SNRPD3: variants seen among roughly 807,000 people sequenced by gnomAD.
SNRPD3 encodes small nuclear ribonucleoprotein D3 polypeptide.
For missense variants in SNRPD3, 73 were observed against 167.5 expected (o/e 0.44, Z 3.11); for synonymous variants, 66 against 58.4 (o/e 1.13, Z -0.59).
upstream of SNRPD3, chr22:24,555,820 A>G: frequency 6.5e-7 from 1 of 1,546,408 alleles, no homozygotes; most frequent in South Asian, 1.2e-5. Flanking sequence ...CCCCGGGCCC[A>G]GTCATCAGCC....
chr22:24,563,514 A>C (rs554508212), intron 2 of SNRPD3, among the ~76,000 whole-genome samples: 6 of 152,226 alleles, frequency 3.9e-5, no homozygotes, highest in African/African-American at 1.4e-4. Flanking sequence ...AGGATATGGC[A>C]TGTTGGTCAA....
chr22:24,570,411 G>A (rs908961548), intron 3 of SNRPD3, among the ~76,000 whole-genome samples: 3 of 152,340 alleles, frequency 2.0e-5, no homozygotes, highest in Middle Eastern at 3.4e-3. Flanking sequence ...GGGGCCGGGC[G>A]CAGTGGCCCA....
chr22:24,563,928 T>C (rs2045171603), intron 2 of SNRPD3, among the ~76,000 whole-genome samples: 2 of 152,088 alleles, frequency 1.3e-5, no homozygotes, highest in South Asian at 4.1e-4. Context: ...GCTAGGAAAG[T>C]TTTTGAAATC....
intron 2 of SNRPD3, among the ~76,000 whole-genome samples, chr22:24,560,231 C>G (rs1356857388): frequency 6.7e-6 from 1 of 149,134 alleles, no homozygotes; most frequent in Admixed American, 6.7e-5. Flanking sequence ...ATTCTCCTGC[C>G]TCAGCCTCCT....
intron 3 of SNRPD3, among the ~76,000 whole-genome samples, chr22:24,569,515 A>G (rs1451877934): frequency 6.6e-6 from 1 of 152,160 alleles, no homozygotes; most frequent in Non-Finnish European, 1.5e-5. Context: ...ATCAACAAAG[A>G]CTTCTGTGAC....
Position 24,571,778 on chromosome 22 carries a change from A to G in SNRPD3, c.320-138A>G. 6.7e-6 allele frequency: 5 copies of G among 741,464 alleles called. No individual in the cohort carries two copies. The South Asian group carries it at 8.4e-5, about 13-fold the overall frequency. The allele number at this position is 741,464 out of a possible 1,614,324, so 45.9% of individuals were successfully genotyped here. A position where few individuals can be genotyped will look rare whatever the true frequency, so the allele number is the denominator to read the frequency against. On this transcript the variant is annotated intron_variant, in intron 3 of 3. Transcript: ENST00000215829. ...AAAAAAAAAAAGGCGGGAGGTGGAA[A>G]TGCAATGGCCAGGGTGGTGTTGGAC...
At chr22:24,570,447 G>A (rs527634656) in intron 3 of SNRPD3, among the ~76,000 whole-genome samples, 75 of 152,306 alleles carry the variant, frequency 4.9e-4, no homozygotes, top group African/African-American at 1.7e-3. Flanking sequence ...CACTTTGGGA[G>A]GCCGAGGTGG....
chr22:24,560,219 C>T (rs1173872669), intron 2 of SNRPD3, among the ~76,000 whole-genome samples: 4 of 143,406 alleles, frequency 2.8e-5, no homozygotes, highest in Admixed American at 2.1e-4. Flanking sequence ...CAGGTTCAAG[C>T]GATTCTCCTG....
chr22:24,559,693 T>C (rs994065578), intron 2 of SNRPD3, among the ~76,000 whole-genome samples: 1 of 152,186 alleles, frequency 6.6e-6, no homozygotes, highest in African/African-American at 2.4e-5. Flanking sequence ...CTCCTCTAAA[T>C]CAGGGATAAA....
Position 24,573,013 on chromosome 22 carries a change from C to T in SNRPD3, c.*1036C>T, listed in dbSNP as rs1032384148. On this transcript the variant is annotated 3_prime_UTR_variant, in exon 4 of 4. Coordinates refer to ENST00000215829, the MANE Select transcript of SNRPD3 (RefSeq NM_004175.5). ...TTGAGAGGAGTTCAAAACCAGCCCGCGAGACATAGTGAGACCCTGTCTCTA... is the reference window on the plus strand; with the variant it reads ...TTGAGAGGAGTTCAAAACCAGCCCGTGAGACATAGTGAGACCCTGTCTCTA... Among the ~76,000 whole-genome samples the T allele has an allele frequency of 6.6e-6, 1 of 151,946 alleles. No individual in the cohort carries two copies. The highest frequency in any genetic ancestry group is 1.5e-5 in the Non-Finnish European group (1 of 67,986).
chr22:24,574,113 T>G lies in SNRPD3; in HGVS notation c.*2136T>G, dbSNP rs2045270168. ...TAATCATTACTGAATTCATCATACT[T>G]TTACAGTAAACAGTACTTACTTTGA... is the stretch of plus-strand genomic sequence containing the variant. On this transcript the variant is annotated 3_prime_UTR_variant, in exon 4 of 4. Coordinates refer to ENST00000215829, the MANE Select transcript of SNRPD3 (RefSeq NM_004175.5). Among the ~76,000 whole-genome samples the G allele has an allele frequency of 6.6e-6, 1 of 152,140 alleles. No individual in the cohort carries two copies. The highest frequency in any genetic ancestry group is 1.5e-5 in the Non-Finnish European group (1 of 68,026).
chr22:24,562,031 C>T (rs945078666), intron 2 of SNRPD3, among the ~76,000 whole-genome samples: 5 of 151,588 alleles, frequency 3.3e-5, no homozygotes, highest in Admixed American at 2.6e-4. Context: ...CACAACGATT[C>T]GGAAAAGATA....
chr22:24,570,310 A>G (rs758067883), intron 3 of SNRPD3, among the ~76,000 whole-genome samples: 3 of 152,246 alleles, frequency 2.0e-5, no homozygotes, highest in Non-Finnish European at 4.4e-5. Context: ...AAGTGCCCCA[A>G]TGTTATAACA....
chr22:24,559,414 A>G (rs996763956), intron 2 of SNRPD3, among the ~76,000 whole-genome samples: 2 of 152,220 alleles, frequency 1.3e-5, no homozygotes, highest in Non-Finnish European at 2.9e-5. Flanking sequence ...GGTGAGGAGA[A>G]TGCAAGACTT....
At chr22:24,555,978 A>C, upstream of SNRPD3, 1 of 767,476 alleles carries the variant, frequency 1.3e-6, no homozygotes, top group South Asian at 1.8e-5. Flanking sequence ...AAAGAGTGGA[A>C]TTCTGGGTGT....
In SNRPD3 at chr22:24,572,983, ATTGT is replaced by A. The variant is rs2045262649; in HGVS notation, c.*1010_*1013del. 6.6e-6 allele frequency among the ~76,000 whole-genome samples: 1 copy of A among 152,102 alleles called. No individual in the cohort carries two copies. The highest frequency in any genetic ancestry group is 1.5e-5 in the Non-Finnish European group (1 of 68,016). On this transcript the variant is annotated 3_prime_UTR_variant, in exon 4 of 4. Transcript: ENST00000215829. Reference sequence around the variant, plus strand: ...GCACTCTGGGAGGCTGAGGTAGAGGATTGTTTGAGAGGAGTTCAAAACCAGCCCG... The same window carrying A: ...GCACTCTGGGAGGCTGAGGTAGAGGATTGAGAGGAGTTCAAAACCAGCCCG...
At chr22:24,571,481 G>T (rs932472875) in intron 3 of SNRPD3, among the ~76,000 whole-genome samples, 1 of 152,154 alleles carries the variant, frequency 6.6e-6, no homozygotes, top group African/African-American at 2.4e-5. Context: ...GCTTATGCTT[G>T]TAATCCTGAC....
At chr22:24,567,109 A>T (rs1490184849) in intron 2 of SNRPD3, among the ~76,000 whole-genome samples, 5 of 151,906 alleles carry the variant, frequency 3.3e-5, no homozygotes, top group Non-Finnish European at 7.4e-5. Context: ...TTGTGGTACC[A>T]CCTCCATTTC....
intron 2 of SNRPD3, among the ~76,000 whole-genome samples, chr22:24,565,229 G>A (rs559885380): frequency 6.6e-6 from 1 of 152,158 alleles, no homozygotes; most frequent in Non-Finnish European, 1.5e-5. Flanking sequence ...GTGGTTAAGA[G>A]TGTGAGTTAG....
Sources: gnomAD v4.1 joint callset for allele counts (sites outside exome capture counted in the v4.1 genomes callset) on GRCh38, gnomAD v4.1.1 for gene constraint, MANE v1.5 for transcripts, NCBI Gene and HGNC (gene_info 2026-07-23, HGNC 2026-07-21) for gene names.